Variants in ZBTB20 observed in about 807,000 individuals in gnomAD.
The protein encoded by ZBTB20 is zinc finger and BTB domain-containing protein 20.
A neutral mutation model predicts 56.9 loss-of-function variants in ZBTB20; 9 were observed. That is an observed-to-expected ratio of 0.16 (90% CI 0.10 to 0.28). The LOEUF (loss-of-function observed/expected upper bound fraction) is 0.28. ZBTB20 is among the 10% of genes least tolerant of loss of function. The probability of loss-of-function intolerance (pLI) is 1.00; values close to 1 mark genes in which losing one functional copy is unlikely to be tolerated. For synonymous variants in ZBTB20, 417 were observed against 420.7 expected (o/e 0.99, Z 0.11); for missense variants, 655 against 1,003.0 (o/e 0.65, Z 4.69).
At chr3:115,054,971 T>A (rs1181580624) in intron 2 of ZBTB20, among the ~76,000 whole-genome samples, 1 of 152,122 alleles carries the variant, frequency 6.6e-6, no homozygotes, top group Non-Finnish European at 1.5e-5. Context: ...ACCTCAGGTC[T>A]GAGTTCTTAT....
In ZBTB20 at chr3:114,317,823, A is replaced by G. The variant is rs1477505792; in HGVS notation, c.*21182T>C. The G allele has an allele frequency of 2.6e-5, 4 of 152,220 alleles. No individual in the cohort carries two copies. The highest frequency in any genetic ancestry group is 9.6e-5 in the African/African-American group (4 of 41,456). 9.4% of individuals were successfully genotyped at this position (152,220 alleles called of 1,614,324 possible). On this transcript the variant is annotated 3_prime_UTR_variant, in exon 12 of 12. Coordinates refer to ENST00000675478, the MANE Select transcript of ZBTB20 (RefSeq NM_001348800.3). ...TTTGTGTGTGTGTGTGCTCGCATACATGAAACGCGAGTCCAAGGGGCCATT... is the reference window on the plus strand; with the variant it reads ...TTTGTGTGTGTGTGTGCTCGCATACGTGAAACGCGAGTCCAAGGGGCCATT...
intron 6 of ZBTB20, among the ~76,000 whole-genome samples, chr3:114,630,797 G>A (rs953195746): frequency 6.6e-6 from 1 of 152,158 alleles, no homozygotes; most frequent in African/African-American, 2.4e-5. Flanking sequence ...TGCAGAGCAG[G>A]CAAGGAGAAC....
chr3:114,927,382 C>A (rs1394851863), intron 3 of ZBTB20, among the ~76,000 whole-genome samples: 1 of 152,182 alleles, frequency 6.6e-6, no homozygotes, highest in East Asian at 1.9e-4. Flanking sequence ...GTCTTGGGCA[C>A]ATGTTATCAA....
intron 5 of ZBTB20, among the ~76,000 whole-genome samples, chr3:114,784,916 C>T (rs529880826): frequency 6.6e-6 from 1 of 152,290 alleles, no homozygotes; most frequent in South Asian, 2.1e-4. Flanking sequence ...GCAAAGCACA[C>T]TGTAATTATT....
chr3:114,594,805 C>T (rs1025835442), intron 6 of ZBTB20, among the ~76,000 whole-genome samples: 6 of 151,970 alleles, frequency 3.9e-5, no homozygotes, highest in African/African-American at 4.8e-5. Context: ...AAGTTTTGGC[C>T]GTGTAAAAAA....
At chr3:114,342,002 G>T (rs746481643) in intron 11 of ZBTB20, among the ~76,000 whole-genome samples, 15 of 152,198 alleles carry the variant, frequency 9.9e-5, no homozygotes, top group Admixed American at 5.2e-4. Flanking sequence ...TTAATAAAGA[G>T]AAATGTTTGC....
intron 7 of ZBTB20, among the ~76,000 whole-genome samples, chr3:114,454,299 C>G (rs561629940): frequency 6.6e-6 from 1 of 151,422 alleles, no homozygotes; most frequent in South Asian, 2.1e-4. Flanking sequence ...AAGTAACTCC[C>G]GTCTAAATCC....
chr3:114,714,651 A>G (rs2064334663), intron 5 of ZBTB20, among the ~76,000 whole-genome samples: 2 of 152,108 alleles, frequency 1.3e-5, no homozygotes, highest in South Asian at 4.1e-4. Context: ...TTAACTACCA[A>G]TGTTTTCAGA....
At chr3:114,667,868 A>C (rs1464078332) in intron 6 of ZBTB20, among the ~76,000 whole-genome samples, 1 of 152,008 alleles carries the variant, frequency 6.6e-6, no homozygotes, top group Non-Finnish European at 1.5e-5. Context: ...TAGTTAATGG[A>C]GAGTGGAAAT....
At chr3:115,107,131 A>C (rs2083745858) in intron 1 of ZBTB20, among the ~76,000 whole-genome samples, 1 of 152,250 alleles carries the variant, frequency 6.6e-6, no homozygotes. Flanking sequence ...ATTTCACAAT[A>C]AAAAGTTGGA....
At chr3:114,688,042 C>T (rs928099436) in intron 6 of ZBTB20, 1 of 152,130 alleles carries the variant, frequency 6.6e-6, no homozygotes, top group Non-Finnish European at 1.5e-5. Flanking sequence ...CAAGCCTGGA[C>T]AACATGGTGA....
At chr3:115,029,448 A>G (rs187823469) in intron 2 of ZBTB20, among the ~76,000 whole-genome samples, 1 of 150,830 alleles carries the variant, frequency 6.6e-6, no homozygotes, top group Non-Finnish European at 1.5e-5. Flanking sequence ...CTAAAAAGAA[A>G]CTTTTATTAG....
At chr3:114,608,127 T>C (rs890518596) in intron 6 of ZBTB20, among the ~76,000 whole-genome samples, 4 of 152,072 alleles carry the variant, frequency 2.6e-5, no homozygotes, top group African/African-American at 9.7e-5. Flanking sequence ...GCAATTGATA[T>C]AGAGAAACAA....
intron 5 of ZBTB20, among the ~76,000 whole-genome samples, chr3:114,720,121 ATT>A (rs1445783901): frequency 6.7e-6 from 1 of 149,164 alleles, no homozygotes; most frequent in Non-Finnish European, 1.5e-5. Flanking sequence ...ATATGTATAT[ATT>A]GTTTATATTC....
rs541335532 is a variant in ZBTB20, at chr3:114,949,496, G to A, written c.-456+24870C>T. 1.1e-3 allele frequency among the ~76,000 whole-genome samples: 161 copies of A among 146,470 alleles called. 8 individuals are homozygous for A. The South Asian group carries it at 0.011, about 10-fold the overall frequency. ...AAAAGACAACTATAAGGTCAGGCGCGGCGGCTCATGCCTGTAATCCCAGCA... is the reference window on the plus strand; with the variant it reads ...AAAAGACAACTATAAGGTCAGGCGCAGCGGCTCATGCCTGTAATCCCAGCA... On this transcript the variant is annotated intron_variant, in intron 3 of 11. Transcript: ENST00000675478.
At chr3:115,131,033 T>C (rs895188998) in intron 1 of ZBTB20, among the ~76,000 whole-genome samples, 3 of 152,220 alleles carry the variant, frequency 2.0e-5, no homozygotes, top group Non-Finnish European at 4.4e-5. Flanking sequence ...AGTTCTGGGA[T>C]TACAGGAGTG....
At chr3:114,950,155 A>G (rs1317041908) in intron 3 of ZBTB20, among the ~76,000 whole-genome samples, 2 of 152,154 alleles carry the variant, frequency 1.3e-5, no homozygotes, top group African/African-American at 4.8e-5. Flanking sequence ...CCCTTTATCC[A>G]TGGGGAATAC....
At chr3:114,422,249 G>A (rs1354999204) in intron 7 of ZBTB20, among the ~76,000 whole-genome samples, 1 of 152,038 alleles carries the variant, frequency 6.6e-6, no homozygotes, top group African/African-American at 2.4e-5. Flanking sequence ...TCTCACAATG[G>A]GATTCAAAGC....
chr3:115,144,577 C>T lies in ZBTB20; in HGVS notation c.-703+2642G>A, dbSNP rs139422803. On this transcript the variant is annotated intron_variant, in intron 1 of 11. Coordinates refer to ENST00000675478, the MANE Select transcript of ZBTB20 (RefSeq NM_001348800.3). ...TGGTAGTTCTAAACACCCCCTTCCCCAATTATAGCCCTCACATGAAAGTTT... is the reference window on the plus strand; with the variant it reads ...TGGTAGTTCTAAACACCCCCTTCCCTAATTATAGCCCTCACATGAAAGTTT... 1.7e-4 allele frequency among the ~76,000 whole-genome samples: 26 copies of T among 152,230 alleles called. No homozygotes were observed. In the East Asian group the frequency reaches 4.4e-3, roughly 26 times the overall value.
Sources: gnomAD v4.1 joint callset for allele counts (sites outside exome capture counted in the v4.1 genomes callset) on GRCh38, gnomAD v4.1.1 for gene constraint, MANE v1.5 for transcripts, NCBI Gene and HGNC (gene_info 2026-07-23, HGNC 2026-07-21) for gene names.